The following CAMSAP3 variants were observed in gnomAD, a reference collection of about 807,000 sequenced individuals.
CAMSAP3 encodes the protein calmodulin regulated spectrin associated protein family member 3, also known as calmodulin-regulated spectrin-associated protein 3.
A neutral mutation model predicts 112.5 loss-of-function variants in CAMSAP3; 34 were observed. The ratio of observed to expected loss-of-function variants is 0.30; its 90% CI spans 0.23 to 0.40. CAMSAP3 has a LOEUF of 0.40. Ranked by LOEUF, CAMSAP3 falls within the 10% of genes least tolerant of loss-of-function variation. The probability of loss-of-function intolerance (pLI) is 1.00; values close to 1 mark genes in which losing one functional copy is unlikely to be tolerated. For missense variants in CAMSAP3, 1,602 were observed against 1,770.3 expected (o/e 0.90, Z 1.71); for synonymous variants, 868 against 799.8 (o/e 1.09, Z -1.44).
rs1371973765 is a variant in CAMSAP3, at chr19:7,608,213, G to A, written c.709G>A (p.Ala237Thr). ...TSLQDLASGA[A>T]LAATIHCYCP... ...CCTCCAGGACCTGGCCAGTGGGGCCGCGCTGGCCGCCACCATCCACTGCTA... is the reference window on the plus strand; with the variant it reads ...CCTCCAGGACCTGGCCAGTGGGGCCACGCTGGCCGCCACCATCCACTGCTA... The change falls in exon 5 of 17, where the codon GCG (alanine) becomes ACG (threonine). Residue 237 changes from alanine (A) to threonine (T), a missense_variant. Physicochemically the swap from Ala to Thr is moderately conservative, Grantham distance 58 (BLOSUM62 0). Transcript: ENST00000160298. 3.1e-6 allele frequency: 5 copies of A among 1,612,562 alleles called. No individual in the cohort carries two copies. Among genetic ancestry groups the A allele is most frequent in the East Asian group, 2.2e-5 (1 of 44,892 alleles).
rs1196674911 is a variant in CAMSAP3, at chr19:7,612,030, C to A, written c.1537C>A (p.Pro513Thr). 3.1e-6 allele frequency: 5 copies of A among 1,612,836 alleles called. No individual in the cohort carries two copies. Among genetic ancestry groups the A allele is most frequent in the African/African-American group, 2.7e-5 (2 of 74,948 alleles). ...GACCTCCAAACCACTGTCCGACAGG[C>A]CCACCAAAGCACCAGTGTACATGCC... The part of the protein sequence containing the change: ...EGTSKPLSDR[P>T]TKAPVYMPHP... Residue 513 changes from proline to threonine, a missense_variant, in exon 11 of 17, where the codon CCC becomes ACC. By Grantham distance (38) the Pro-to-Thr change is conservative. Around this residue, in one of 6 missense-constraint regions of CAMSAP3, gnomAD observed 1,100 missense variants for 1,135.7 expected, o/e 0.97. Transcript: ENST00000160298.
intron 14 of CAMSAP3, among the ~76,000 whole-genome samples, chr19:7,616,955 T>TTG (rs1555763729): frequency 4.7e-4 from 65 of 139,782 alleles, no homozygotes; most frequent in African/African-American, 1.5e-3. Flanking sequence ...TTTTTTTTTT[T>TTG]TTTGTTTTTT....
In CAMSAP3 at chr19:7,611,762, C is replaced by T; in HGVS notation, c.1269C>T (p.Asp423=). ...LDSDVDVVMG[D]PVLLRSVSSD... ...GCGACGTGGATGTCGTCATGGGAGA[C>T]CCTGTGCTCCTCCGCTCTGTGAGCT... is the stretch of plus-strand genomic sequence containing the variant. The change falls in exon 11 of 17, where the codon GAC becomes GAT. Residue 423 remains aspartate (D), a synonymous_variant. Coordinates refer to ENST00000160298, the MANE Select transcript of CAMSAP3 (RefSeq NM_020902.2). The surrounding 1 kb of genome is among the most constrained non-coding windows in gnomAD (Gnocchi z 6.9). The T allele has an allele frequency of 6.3e-7, 1 of 1,590,992 alleles. No individual in the cohort carries two copies. Among genetic ancestry groups the T allele is most frequent in the Non-Finnish European group, 8.6e-7 (1 of 1,168,276 alleles).
At chr19:7,614,943 T>G in intron 11 of CAMSAP3, 1 of 584,410 alleles carries the variant, frequency 1.7e-6, no homozygotes, top group Non-Finnish European at 3.1e-6. Flanking sequence ...GTCTGCTGCT[T>G]TTGTCTTCCC....
chr19:7,616,197 CAAAAA>C (rs74266728), intron 13 of CAMSAP3, among the ~76,000 whole-genome samples: 14 of 94,514 alleles, frequency 1.5e-4, no homozygotes, highest in Non-Finnish European at 2.1e-4. Flanking sequence ...AGAAATAAGA[CAAAAA>C]AAAAAAAAAA....
At position 7,615,056 on chromosome 19, in the gene CAMSAP3, A is replaced by T. The variant is rs1260500953; in HGVS notation, c.2671-127A>T. On this transcript the variant is annotated intron_variant, in intron 11 of 16. Coordinates refer to ENST00000160298, the MANE Select transcript of CAMSAP3 (RefSeq NM_020902.2). The surrounding 1 kb of genome is among the most constrained non-coding windows in gnomAD (Gnocchi z 6.5). ...CTGTGCATACAGTAGGCACCAACTA[A>T]GTGCATTTAGAACAATGATGAAAAC... The T allele has an allele frequency of 1.1e-5, 13 of 1,140,658 alleles. No individual in the cohort carries two copies. The East Asian group carries it at 3.1e-4, about 27-fold the overall frequency. The allele number at this position is 1,140,658 out of a possible 1,614,324, so 70.7% of individuals were successfully genotyped here.
chr19:7,600,846 T>TCATCCATCCATCCATCCACCCACC (rs1568439045), intron 1 of CAMSAP3, among the ~76,000 whole-genome samples: 23 of 71,356 alleles, frequency 3.2e-4, no homozygotes, highest in African/African-American at 1.2e-3. Context: ...ACCTACCCAT[T>TCATCCATCCATCCATCCACCCACC]CATCCATCCA....
intron 1 of CAMSAP3, 145 bp downstream of exon 1, chr19:7,596,295 C>G: frequency 3.9e-6 from 1 of 254,304 alleles, no homozygotes; most frequent in Non-Finnish European, 6.3e-6. Context: ...CGGGCCCCTG[C>G]CGCGCCGGGG....
chr19:7,596,372 G>A (rs2024442205), intron 1 of CAMSAP3, among the ~76,000 whole-genome samples: 2 of 151,110 alleles, frequency 1.3e-5, no homozygotes, highest in Non-Finnish European at 1.5e-5. Flanking sequence ...CGCGGTGGGG[G>A]TGGGGCCCGC....
chr19:7,605,804 C>A (rs183607285), intron 2 of CAMSAP3, among the ~76,000 whole-genome samples: 23 of 151,242 alleles, frequency 1.5e-4, no homozygotes, highest in Non-Finnish European at 5.9e-5. Context: ...CTAGCTCCTC[C>A]TATCATCAGT....
chr19:7,615,887 T>C lies in CAMSAP3; in HGVS notation c.3112+168T>C, dbSNP rs935913165. Among the ~76,000 whole-genome samples the C allele has an allele frequency of 2.0e-5, 3 of 151,540 alleles. No homozygotes were observed. The highest frequency in any genetic ancestry group is 7.3e-5 in the African/African-American group (3 of 41,248). On this transcript the variant is annotated intron_variant, in intron 13 of 16. Transcript: ENST00000160298. The surrounding 1 kb of genome is among the most constrained non-coding windows in gnomAD (Gnocchi z 6.5). ...TCAGGTGGGGTTGGACACTGTCTCTTGGGTAAAGACTTCCATAGGGGGCCG... is the reference window on the plus strand; with the variant it reads ...TCAGGTGGGGTTGGACACTGTCTCTCGGGTAAAGACTTCCATAGGGGGCCG...
intron 1 of CAMSAP3, among the ~76,000 whole-genome samples, chr19:7,597,535 G>GT (rs1169122407): frequency 1.3e-5 from 2 of 152,198 alleles, no homozygotes; most frequent in African/African-American, 4.8e-5. Flanking sequence ...AGACTTATCT[G>GT]TTTTGCGAAT....
intron 1 of CAMSAP3, among the ~76,000 whole-genome samples, chr19:7,597,189 C>A (rs926023938): frequency 2.6e-5 from 4 of 152,214 alleles, no homozygotes; most frequent in African/African-American, 9.6e-5. Context: ...CCCAGATCAA[C>A]CTGTTCTGGG....
At position 7,607,897 on chromosome 19, in the gene CAMSAP3, G is replaced by A. The variant is rs541294860; in HGVS notation, c.622-229G>A. ...ATGTATCCCCCGCCCCGGGGTCCCA[G>A]GAGTCCCTGTCCCCAGCCCCCGCTG... On this transcript the variant is annotated intron_variant, in intron 4 of 16. Transcript: ENST00000160298. The surrounding 1 kb of genome is among the most constrained non-coding windows in gnomAD (Gnocchi z 4.9). 3.2e-4 allele frequency: 292 copies of A among 913,080 alleles called. No homozygotes were observed. Among genetic ancestry groups the A allele is most frequent in the Non-Finnish European group, 4.8e-4 (275 of 572,706 alleles). The allele number at this position is 913,080 out of a possible 1,614,324, so 56.6% of individuals were successfully genotyped here.
At chr19:7,613,544 G>A (rs2030622231) in intron 11 of CAMSAP3, among the ~76,000 whole-genome samples, 1 of 151,558 alleles carries the variant, frequency 6.6e-6, no homozygotes, top group Admixed American at 6.6e-5. Flanking sequence ...TTGGGGGTGA[G>A]GGGTTTCCAG....
intron 4 of CAMSAP3, 145 bp downstream of exon 4, chr19:7,606,716 G>A (rs900826915): frequency 1.2e-6 from 2 of 1,609,542 alleles, no homozygotes; most frequent in Non-Finnish European, 1.7e-6. Context: ...CAATCTCTCT[G>A]TGCCCTGCCC....
Position 7,615,225 on chromosome 19 carries a change from A to T in CAMSAP3, c.2713A>T (p.Ser905Cys). 1.9e-6 allele frequency: 3 copies of T among 1,552,354 alleles called. No individual in the cohort carries two copies. The highest frequency in any genetic ancestry group is 2.6e-6 in the Non-Finnish European group (3 of 1,148,016). Residue 905 changes from serine (S) to cysteine (C), a missense_variant, in exon 12 of 17, where the codon AGC (serine) becomes TGC (cysteine). Ser to Cys is a moderately radical substitution (Grantham distance 112, BLOSUM62 -1). Transcript: ENST00000160298. This position sits in a 1 kb window ranked among gnomAD's most constrained non-coding sequence, Gnocchi z 6.5. ...PEDEMAQKRASLLERQQRRAE... is the reference protein window; with the variant it reads ...PEDEMAQKRACLLERQQRRAE... ...GGACGAGATGGCCCAAAAGCGGGCC[A>T]GCCTGCTGGAGCGGCAGCAGCGGCG...
intron 1 of CAMSAP3, among the ~76,000 whole-genome samples, chr19:7,603,690 A>T (rs1026922703): frequency 6.6e-6 from 1 of 152,190 alleles, no homozygotes; most frequent in African/African-American, 2.4e-5. Flanking sequence ...CTTTATAAAA[A>T]AATTTAAAAA....
chr19:7,611,964 C>T lies in CAMSAP3; in HGVS notation c.1471C>T (p.Pro491Ser), dbSNP rs752197751. 5.0e-6 allele frequency: 8 copies of T among 1,610,786 alleles called. No individual in the cohort carries two copies. In the African/African-American group the frequency reaches 1.1e-4, roughly 22 times the overall value. ...GSFYLHSPEG[P>S]SKPSLASPYL... ...CTTCTACCTCCACTCCCCTGAGGGG[C>T]CCTCCAAGCCATCCCTGGCCTCCCC... The change falls in exon 11 of 17, where the codon CCC becomes TCC. Residue 491 changes from proline to serine, a missense_variant. By Grantham distance (74) the Pro-to-Ser change is moderately conservative (BLOSUM62 -1). Around this residue, in one of 6 missense-constraint regions of CAMSAP3, gnomAD observed 1,100 missense variants for 1,135.7 expected, o/e 0.97. Coordinates refer to ENST00000160298, the MANE Select transcript of CAMSAP3 (RefSeq NM_020902.2). This position sits in a 1 kb window ranked among gnomAD's most constrained non-coding sequence, Gnocchi z 6.9.
Sources: allele counts gnomAD v4.1 joint callset (sites outside exome capture counted in the v4.1 genomes callset), GRCh38; gene constraint gnomAD v4.1.1; regional missense constraint gnomAD v4.1.1; non-coding constraint Gnocchi (gnomAD v3.1); transcripts MANE v1.5; gene names NCBI Gene and HGNC (gene_info 2026-07-23, HGNC 2026-07-21).